Variants in MCF2L2 observed in about 807,000 individuals in gnomAD.
The protein encoded by MCF2L2 is probable guanine nucleotide exchange factor MCF2L2.
Under a neutral mutation model 150.2 loss-of-function variants are expected in MCF2L2, and 102 were observed. The observed-to-expected ratio is 0.68, with a 90% CI of 0.58 to 0.80. MCF2L2 has a LOEUF of 0.80. Ranked by LOEUF, MCF2L2 falls within the 30% of genes least tolerant of loss-of-function variation. MCF2L2 has a pLI of 0.00. For missense variants in MCF2L2, 1,256 were observed against 1,372.8 expected (o/e 0.91, Z 1.34); for synonymous variants, 465 against 491.3 (o/e 0.95, Z 0.71).
intron 1 of MCF2L2, among the ~76,000 whole-genome samples, chr3:183,399,099 G>A (rs1278946776): frequency 6.6e-6 from 1 of 152,126 alleles, no homozygotes; most frequent in Non-Finnish European, 1.5e-5. Flanking sequence ...TGCATGCGCA[G>A]GTGAGCACAC....
rs1723261674 is a variant in MCF2L2, at chr3:183,224,181, G to T, written c.2125C>A (p.Leu709Ile). ...TTATGGTATTTAAAATATATCTGAA[G>T]ATCTTCTTTCTAGGTGGGAAAAAAT... is the stretch of plus-strand genomic sequence containing the variant. Reference protein sequence around the residue: ...AHCFLKRKEDLQIYFKYHKNL... With the variant: ...AHCFLKRKEDIQIYFKYHKNL... Residue 709 changes from leucine to isoleucine, a missense_variant, in exon 19 of 30, where the codon CTT (leucine) becomes ATT (isoleucine). Physicochemically the swap from Leu to Ile is conservative, Grantham distance 5. Coordinates refer to ENST00000328913, the MANE Select transcript of MCF2L2 (RefSeq NM_015078.4). The T allele has an allele frequency of 6.2e-7, 1 of 1,610,860 alleles. No individual in the cohort carries two copies. Among genetic ancestry groups the T allele is most frequent in the Non-Finnish European group, 8.5e-7 (1 of 1,177,302 alleles).
At chr3:183,397,860 T>G (rs966214407) in intron 1 of MCF2L2, among the ~76,000 whole-genome samples, 4 of 152,128 alleles carry the variant, frequency 2.6e-5, no homozygotes, top group Non-Finnish European at 5.9e-5. Context: ...TTGTTGCAAA[T>G]GACCATTAAT....
intron 3 of MCF2L2, among the ~76,000 whole-genome samples, chr3:183,363,660 A>G (rs1048934805): frequency 6.6e-6 from 1 of 152,164 alleles, no homozygotes; most frequent in African/African-American, 2.4e-5. Flanking sequence ...GAATCACTTG[A>G]GCTCAGGAAG....
chr3:183,371,645 T>A (rs199965861), intron 3 of MCF2L2, among the ~76,000 whole-genome samples: 49 of 150,994 alleles, frequency 3.2e-4, no homozygotes, highest in Non-Finnish European at 4.0e-4. Flanking sequence ...TTTTTCTTTT[T>A]TTTTTTTTTT....
chr3:183,224,080 T>C lies in MCF2L2; in HGVS notation c.2208+18A>G, dbSNP rs114402147. 1,531 of 1,596,112 alleles carry C rather than the reference T, an allele frequency of 9.6e-4. 14 individuals carry two copies. The African/African-American group carries it at 0.018, about 19-fold the overall frequency. On this transcript the variant is annotated intron_variant, in intron 19 of 29. Coordinates refer to ENST00000328913, the MANE Select transcript of MCF2L2 (RefSeq NM_015078.4). ...ATAGAAACATTTTCCAGGAAGAAGTTTGTCTTCTCAACATTACCCCAAAGT... is the reference window on the plus strand; with the variant it reads ...ATAGAAACATTTTCCAGGAAGAAGTCTGTCTTCTCAACATTACCCCAAAGT...
intron 1 of MCF2L2, among the ~76,000 whole-genome samples, chr3:183,417,842 A>G (rs895760831): frequency 6.6e-6 from 1 of 152,210 alleles, no homozygotes; most frequent in Non-Finnish European, 1.5e-5. Flanking sequence ...AAAGGGAAGC[A>G]AAGCATATGT....
rs1721412903 is a variant in MCF2L2 at position 183,179,029 on chromosome 3, T to C, written c.*351A>G. On this transcript the variant is annotated 3_prime_UTR_variant, in exon 30 of 30. Transcript: ENST00000328913. The surrounding 1 kb of genome is among the most constrained non-coding windows in gnomAD (Gnocchi z 4.2). ...TGGCGCATTCCTGGCACCTAGTGGG[T>C]AGAGGCCAGGGGTGCTACTAAACAT... The C allele has an allele frequency of 4.6e-6, 1 of 217,510 alleles. No homozygotes were observed. Among genetic ancestry groups the C allele is most frequent in the East Asian group, 9.5e-5 (1 of 10,574 alleles). The allele number at this position is 217,510 out of a possible 1,614,324, so 13.5% of individuals were successfully genotyped here.
chr3:183,252,808 C>G (rs774607919), intron 15 of MCF2L2, among the ~76,000 whole-genome samples: 5 of 152,140 alleles, frequency 3.3e-5, no homozygotes, highest in Non-Finnish European at 7.3e-5. Flanking sequence ...ATAACAGAAT[C>G]GCTCAAAATA....
intron 27 of MCF2L2, among the ~76,000 whole-genome samples, chr3:183,192,269 G>A (rs963516151): frequency 6.6e-6 from 1 of 152,170 alleles, no homozygotes; most frequent in East Asian, 1.9e-4. Context: ...CTCCGGAGTA[G>A]CTAGAATTAC....
intron 7 of MCF2L2, among the ~76,000 whole-genome samples, chr3:183,313,920 G>A (rs1206790728): frequency 6.6e-6 from 1 of 152,194 alleles, no homozygotes; most frequent in African/African-American, 2.4e-5. Context: ...ACTGGCAGAC[G>A]AGGTGGAGGT....
At chr3:183,190,095 C>T (rs567775618) in intron 27 of MCF2L2, among the ~76,000 whole-genome samples, 5 of 152,300 alleles carry the variant, frequency 3.3e-5, no homozygotes, top group African/African-American at 1.2e-4. Flanking sequence ...TTACTTTCTC[C>T]CTTCAGTGCA....
At position 183,226,532 on chromosome 3, in the gene MCF2L2, T is replaced by C. The variant is rs1255373771; in HGVS notation, c.2115+1765A>G. Reference sequence around the variant, plus strand: ...CAGTGTTTTCTGGCTGGGTTAATGATTTACAATGTTCCTCCCAACATGGCG... The same window carrying C: ...CAGTGTTTTCTGGCTGGGTTAATGACTTACAATGTTCCTCCCAACATGGCG... On this transcript the variant is annotated intron_variant, in intron 18 of 29. Transcript: ENST00000328913. 3.9e-5 allele frequency: 6 copies of C among 152,344 alleles called. No individual in the cohort carries two copies. The East Asian group carries it at 1.2e-3, about 29-fold the overall frequency. 9.4% of individuals were successfully genotyped at this position (152,344 alleles called of 1,614,324 possible). A position where few individuals can be genotyped will look rare whatever the true frequency, so the allele number is the denominator to read the frequency against.
chr3:183,265,760 G>A (rs1458922544), intron 15 of MCF2L2, among the ~76,000 whole-genome samples: 1 of 152,196 alleles, frequency 6.6e-6, no homozygotes, highest in Non-Finnish European at 1.5e-5. Flanking sequence ...TATCATTCAA[G>A]TATTGAGGAG....
chr3:183,192,142 T>G (rs1396405270), intron 27 of MCF2L2, among the ~76,000 whole-genome samples: 1 of 148,050 alleles, frequency 6.8e-6, no homozygotes, highest in African/African-American at 2.5e-5. Context: ...AGTATTTTAT[T>G]TATTTATTTA....
intron 3 of MCF2L2, chr3:183,375,987 A>G (rs1713168165): frequency 6.6e-6 from 1 of 152,256 alleles, no homozygotes; most frequent in South Asian, 2.1e-4. Context: ...TTTTGTGGAA[A>G]GGAACAGGGG....
At chr3:183,262,078 T>C (rs1207524352) in intron 15 of MCF2L2, among the ~76,000 whole-genome samples, 1 of 149,168 alleles carries the variant, frequency 6.7e-6, no homozygotes, top group Non-Finnish European at 1.5e-5. Flanking sequence ...ATTATATATA[T>C]ATATACCAAA....
At chr3:183,210,319 T>C (rs1308900248) in intron 22 of MCF2L2, among the ~76,000 whole-genome samples, 4 of 152,212 alleles carry the variant, frequency 2.6e-5, no homozygotes, top group African/African-American at 7.2e-5. Flanking sequence ...AGAGGTTATA[T>C]GTAAAATGCA....
intron 14 of MCF2L2, among the ~76,000 whole-genome samples, chr3:183,284,248 C>T (rs1727666608): frequency 6.6e-6 from 1 of 152,222 alleles, no homozygotes; most frequent in South Asian, 2.1e-4. Context: ...CCTCACTCCT[C>T]TCAACTTTAG....
At position 183,227,895 on chromosome 3, in the gene MCF2L2, A is replaced by T. The variant is rs1723403721; in HGVS notation, c.2115+402T>A. ...CCATGCTGTGCGTTACATCTCCAGGACTTACTCATCTCATAACTGCAAGTT... is the reference window on the plus strand; with the variant it reads ...CCATGCTGTGCGTTACATCTCCAGGTCTTACTCATCTCATAACTGCAAGTT... On this transcript the variant is annotated intron_variant, in intron 18 of 29. Coordinates refer to ENST00000328913, the MANE Select transcript of MCF2L2 (RefSeq NM_015078.4). This position sits in a 1 kb window ranked among gnomAD's most constrained non-coding sequence, Gnocchi z 4.0. The T allele has an allele frequency of 5.9e-6, 1 of 168,266 alleles. No homozygotes were observed. Among genetic ancestry groups the T allele is most frequent in the Admixed American group, 5.9e-5 (1 of 17,074 alleles). 10.4% of individuals were successfully genotyped at this position (168,266 alleles called of 1,614,324 possible).
Sources: allele counts gnomAD v4.1 joint callset (sites outside exome capture counted in the v4.1 genomes callset), GRCh38; gene constraint gnomAD v4.1.1; non-coding constraint Gnocchi (gnomAD v3.1); transcripts MANE v1.5; gene names NCBI Gene and HGNC (gene_info 2026-07-23, HGNC 2026-07-21).